Variants in TIMP4 observed in about 807,000 individuals in gnomAD.
The protein encoded by TIMP4 is metalloproteinase inhibitor 4.
TIMP4 carries 28 observed loss-of-function variants against 27.3 expected under a neutral mutation model. The ratio of observed to expected loss-of-function variants is 1.03; its 90% confidence interval spans 0.76 to 1.41. The LOEUF (loss-of-function observed/expected upper bound fraction) is 1.41, where lower values mean the gene tolerates loss of function less well. Among genes scored for constraint, TIMP4 ranks in the 40% most tolerant of loss-of-function variants. TIMP4 has a pLI of 0.00. For synonymous variants in TIMP4, 138 were observed against 115.5 expected, an observed-to-expected ratio of 1.20 and a Z score of -1.25; for missense variants, 307 against 285.5, an observed-to-expected ratio of 1.08 and a Z score of -0.54.
chr3:12,155,840 G>A (rs1345112971), intron 3 of TIMP4, among the ~76,000 whole-genome samples: 3 of 152,168 alleles, frequency 2.0e-5, no homozygotes, highest in African/African-American at 7.2e-5. Flanking sequence ...AAGGAGGTGC[G>A]ATAATAGAGT....
chr3:12,158,664 C>G, intron 1 of TIMP4, 38 bp downstream of exon 1: 4 of 1,606,554 alleles, frequency 2.5e-6, no homozygotes, highest in Middle Eastern at 1.7e-4. Flanking sequence ...TCCCCCACAA[C>G]CACCCCCTGC....
intron 3 of TIMP4, among the ~76,000 whole-genome samples, chr3:12,154,986 A>G (rs551391985): frequency 2.6e-5 from 4 of 152,260 alleles, no homozygotes; most frequent in East Asian, 3.9e-4. Context: ...TACCTTCCCC[A>G]TAGGAAATTT....
In TIMP4 at chr3:12,154,374, G is replaced by A; in HGVS notation, c.430C>T (p.Gln144Ter). ...IEPWEDLSLV[Q>*]RESLNHHYHL... is the part of the protein sequence containing the mutation. ...TAGTGATGATTCAGACTTTCCCTCT[G>A]CACCAAGGACAGGTCCTCCCAGGGC... The change falls in exon 4 of 5, where the codon CAG (glutamine) becomes TAG (stop). Residue 144 changes from glutamine (Q) to a stop codon, truncating the protein, a stop_gained. Coordinates refer to ENST00000287814, the MANE Select transcript of TIMP4 (RefSeq NM_003256.4). LOFTEE classifies it high-confidence loss of function. The A allele has an allele frequency of 6.2e-7, 1 of 1,614,190 alleles. No individual in the cohort carries two copies. The highest frequency in any genetic ancestry group is 8.5e-7 in the Non-Finnish European group (1 of 1,180,036).
intron 4 of TIMP4, among the ~76,000 whole-genome samples, 189 bp downstream of exon 4, chr3:12,154,138 T>A (rs1371920353): frequency 1.3e-5 from 2 of 152,236 alleles, no homozygotes; most frequent in African/African-American, 2.4e-5. Context: ...CCTCCTGTGA[T>A]GGCCACCTTC....
Position 12,153,452 on chromosome 3 carries a change from A to G in TIMP4, c.*63T>C, listed in dbSNP as rs966760874. 3.8e-6 allele frequency: 6 copies of G among 1,585,662 alleles called. No homozygotes were observed. Among genetic ancestry groups the G allele is most frequent in the African/African-American group, 1.3e-5 (1 of 74,336 alleles). On this transcript the variant is annotated 3_prime_UTR_variant, in exon 5 of 5. Coordinates refer to ENST00000287814, the MANE Select transcript of TIMP4 (RefSeq NM_003256.4). ...CAGGTGGTAATGGCCAAAGCTCTGCAGGGAAGGAGAACTGGCTTGATCTTC... is the reference window on the plus strand; with the variant it reads ...CAGGTGGTAATGGCCAAAGCTCTGCGGGGAAGGAGAACTGGCTTGATCTTC...
chr3:12,157,607 G>A (rs1697496619), intron 1 of TIMP4, 125 bp from the exon 2 acceptor site: 1 of 808,620 alleles, frequency 1.2e-6, no homozygotes, highest in African/African-American at 1.7e-5. Flanking sequence ...TGGCTGGGTT[G>A]TGAGCAACGT....
At chr3:12,154,277 C>T (rs768315578) in intron 4 of TIMP4, 50 bp downstream of exon 4, 2 of 1,612,866 alleles carry the variant, frequency 1.2e-6, no homozygotes, top group South Asian at 2.2e-5. Flanking sequence ...AATGAAGGCT[C>T]AGAACCCTTC....
Position 12,158,752 on chromosome 3 carries a change from C to T in TIMP4, c.89G>A (p.Cys30Tyr). The T allele has an allele frequency of 6.2e-7, 1 of 1,608,234 alleles. No homozygotes were observed. Among genetic ancestry groups the T allele is most frequent in the Non-Finnish European group, 8.5e-7 (1 of 1,179,488 alleles). The change falls in exon 1 of 5, where the codon TGC (cysteine) becomes TAC (tyrosine). Residue 30 changes from cysteine to tyrosine, a missense_variant. By Grantham distance (194) the Cys-to-Tyr change is radical. Transcript: ENST00000287814. Reference sequence around the variant, plus strand: ...CTGAGGGTGCGCCGGGGCGCAGCTGCATGCCTCACCCAGCCCCGGGGGCCG... The same window carrying T: ...CTGAGGGTGCGCCGGGGCGCAGCTGTATGCCTCACCCAGCCCCGGGGGCCG... ...LLRPPGLGEA[C>Y]SCAPAHPQQH...
At chr3:12,154,950 C>A (rs940358158) in intron 3 of TIMP4, among the ~76,000 whole-genome samples, 1 of 152,236 alleles carries the variant, frequency 6.6e-6, no homozygotes, top group Non-Finnish European at 1.5e-5. Flanking sequence ...ACAGGCCAGG[C>A]TCCTGCTCTA....
intron 1 of TIMP4, 67 bp from the exon 2 acceptor site, chr3:12,157,549 G>T: frequency 6.7e-7 from 1 of 1,490,094 alleles, no homozygotes; most frequent in Non-Finnish European, 9.3e-7. Context: ...AGGTCTGGAT[G>T]ATCCAGGGTC....
chr3:12,154,159 T>C (rs895618903), intron 4 of TIMP4, among the ~76,000 whole-genome samples, 168 bp downstream of exon 4: 1 of 152,182 alleles, frequency 6.6e-6, no homozygotes, highest in African/African-American at 2.4e-5. Flanking sequence ...CCAGCCAAAG[T>C]GTAAGTACTT....
At chr3:12,155,924 C>G (rs1046652244) in intron 3 of TIMP4, among the ~76,000 whole-genome samples, 5 of 152,174 alleles carry the variant, frequency 3.3e-5, no homozygotes, top group Non-Finnish European at 7.3e-5. Flanking sequence ...CTCTTCCATC[C>G]AGGAGCTCCT....
chr3:12,157,035 A>G lies in TIMP4; in HGVS notation c.238-101T>C, dbSNP rs377184001. The G allele has an allele frequency of 6.4e-5, 54 of 845,852 alleles. No homozygotes were observed. The African/African-American group carries it at 6.8e-4, about 11-fold the overall frequency. The allele number at this position is 845,852 out of a possible 1,614,324, so 52.4% of individuals were successfully genotyped here. On this transcript the variant is annotated intron_variant, in intron 2 of 4. Transcript: ENST00000287814. ...ACTTCTCAGCCTAAAAATGTAAGCA[A>G]AAGTCTAGTTGAGGATTTTGTGTCC... is the stretch of plus-strand genomic sequence containing the variant.
At position 12,153,625 on chromosome 3, in the gene TIMP4, C is replaced by T. The variant is rs1697368736; in HGVS notation, c.565G>A (p.Gly189Ser). The T allele has an allele frequency of 6.2e-7, 1 of 1,614,182 alleles. No homozygotes were observed. The highest frequency in any genetic ancestry group is 1.1e-5 in the South Asian group (1 of 91,082). The change falls in exon 5 of 5, where the codon GGT becomes AGT. Residue 189 changes from glycine (G) to serine (S), a missense_variant. Gly to Ser is a moderately conservative substitution (Grantham distance 56). Transcript: ENST00000287814. ...TDWLLERKLY[G>S]YQAQHYVCMK... ...CAGACATAATGCTGAGCCTGGTAACCATAGAGCTTTCGTTCCAACAGCCAG... is the reference window on the plus strand; with the variant it reads ...CAGACATAATGCTGAGCCTGGTAACTATAGAGCTTTCGTTCCAACAGCCAG...
intron 3 of TIMP4, 96 bp from the exon 4 acceptor site, chr3:12,154,547 C>CA: frequency 6.9e-7 from 1 of 1,455,718 alleles, no homozygotes; most frequent in East Asian, 2.3e-5. Context: ...GCAGCCTCCC[C>CA]AATGACTTTG....
intron 2 of TIMP4, 152 bp downstream of exon 2, chr3:12,157,233 T>C: frequency 1.4e-6 from 1 of 728,412 alleles, no homozygotes; most frequent in Non-Finnish European, 2.3e-6. Context: ...TTCTATGGGC[T>C]CTGCCTCCAA....
intron 2 of TIMP4, 107 bp from the exon 3 acceptor site, chr3:12,157,041 T>G: frequency 1.3e-6 from 1 of 794,218 alleles, no homozygotes; most frequent in Non-Finnish European, 2.0e-6. Flanking sequence ...AGCAAAAGTC[T>G]AGTTGAGGAT....
chr3:12,153,785 T>A (rs1264418153), intron 4 of TIMP4, 73 bp from the exon 5 acceptor site: 3 of 1,528,794 alleles, frequency 2.0e-6, no homozygotes, highest in Middle Eastern at 1.7e-4. Context: ...TTCAGATTCC[T>A]ACGTACCTTT....
At position 12,158,887 on chromosome 3, in the gene TIMP4, C is replaced by T. The variant is rs769196983; in HGVS notation, c.-47G>A. The T allele has an allele frequency of 1.9e-5, 29 of 1,488,130 alleles. No homozygotes were observed. Among genetic ancestry groups the T allele is most frequent in the African/African-American group, 4.2e-5 (3 of 71,626 alleles). 92.2% of individuals were successfully genotyped at this position (1,488,130 alleles called of 1,614,324 possible). A position where few individuals can be genotyped will look rare whatever the true frequency, so the allele number is the denominator to read the frequency against. ...AGCCTGTGAGGTCTGGGGGACTGGA[C>T]GGCCCCAGCAGGGCTCCTTCCCAAG... is the stretch of plus-strand genomic sequence containing the variant. On this transcript the variant is annotated 5_prime_UTR_variant, in exon 1 of 5. Coordinates refer to ENST00000287814, the MANE Select transcript of TIMP4 (RefSeq NM_003256.4).
Sources: allele counts gnomAD v4.1 joint callset (sites outside exome capture counted in the v4.1 genomes callset), GRCh38; gene constraint gnomAD v4.1.1; transcripts MANE v1.5; gene names NCBI Gene and HGNC (gene_info 2026-07-23, HGNC 2026-07-21).